Variants in MEI1 observed in about 807,000 individuals in gnomAD.
MEI1 encodes meiotic double-stranded break formation protein 1, also known as meiosis inhibitor protein 1.
Under a neutral mutation model 146.2 loss-of-function variants are expected in MEI1, and 103 were observed. The observed-to-expected ratio is 0.70, with a 90% CI of 0.60 to 0.83. The LOEUF (loss-of-function observed/expected upper bound fraction) is 0.83, where lower values mean the gene tolerates loss of function less well. MEI1 is among the 40% of genes least tolerant of loss of function. The pLI is 0.00. For synonymous variants in MEI1, 652 were observed against 628.2 expected (o/e 1.04, Z -0.57); for missense variants, 1,529 against 1,533.0 (o/e 1.00, Z 0.04).
Position 41,723,939 on chromosome 22 carries a change from C to G in MEI1, c.734-4C>G, listed in dbSNP as rs376701459. 6.3e-6 allele frequency: 10 copies of G among 1,591,302 alleles called. No homozygotes were observed. The highest frequency in any genetic ancestry group is 8.6e-6 in the Non-Finnish European group (10 of 1,168,586). On this transcript the variant is annotated splice_region_variant and splice_polypyrimidine_tract_variant and intron_variant, in intron 6 of 30. Coordinates refer to ENST00000401548, the MANE Select transcript of MEI1 (RefSeq NM_152513.4). ...CCTTACTTCCCAATCCCTTTGTTTC[C>G]TAGGTTTGCTGAGGCAGCTGTTGAA...
intron 26 of MEI1, among the ~76,000 whole-genome samples, chr22:41,786,364 C>T (rs2075986050): frequency 6.6e-6 from 1 of 152,168 alleles, no homozygotes; most frequent in Non-Finnish European, 1.5e-5. Flanking sequence ...ACTTTTAAAG[C>T]TACAGTGACA....
At chr22:41,719,075 C>T (rs528463094) in intron 6 of MEI1, among the ~76,000 whole-genome samples, 149 of 151,662 alleles carry the variant, frequency 9.8e-4, no homozygotes, top group African/African-American at 3.2e-3. Context: ...CTCCGCCTCC[C>T]GGGTTCACAC....
chr22:41,717,613 C>A (rs1199938433), intron 5 of MEI1, among the ~76,000 whole-genome samples: 1 of 147,146 alleles, frequency 6.8e-6, no homozygotes, highest in East Asian at 2.0e-4. Context: ...TTTCTTTTTT[C>A]TTTTCTTTTT....
At chr22:41,717,835 C>T (rs1017143867) in intron 5 of MEI1, among the ~76,000 whole-genome samples, 11 of 151,838 alleles carry the variant, frequency 7.2e-5, no homozygotes, top group African/African-American at 1.9e-4. Context: ...AGGCTGGTCT[C>T]GAACTCCTGA....
intron 1 of MEI1, among the ~76,000 whole-genome samples, 188 bp from the exon 2 acceptor site, chr22:41,703,143 G>A (rs1247420030): frequency 3.9e-5 from 6 of 152,190 alleles, no homozygotes; most frequent in Admixed American, 1.3e-4. Context: ...ATAATCTTCT[G>A]TATGAATACA....
At chr22:41,703,597 T>A in intron 2 of MEI1, 143 bp downstream of exon 2, 1 of 765,428 alleles carries the variant, frequency 1.3e-6, no homozygotes, top group Non-Finnish European at 1.9e-6. Flanking sequence ...GTCATAATGA[T>A]GTAGAAATGG....
chr22:41,738,458 G>T (rs573277078), intron 11 of MEI1, among the ~76,000 whole-genome samples: 94 of 152,176 alleles, frequency 6.2e-4, no homozygotes, highest in Non-Finnish European at 9.9e-4. Flanking sequence ...ACAGTGGCGG[G>T]TGCCTGTAAT....
chr22:41,725,273 C>T (rs992113506), intron 7 of MEI1, among the ~76,000 whole-genome samples: 1 of 152,070 alleles, frequency 6.6e-6, no homozygotes, highest in African/African-American at 2.4e-5. Context: ...CCACCATGCC[C>T]GGCTAATTTT....
chr22:41,792,038 A>G (rs2076199637), intron 26 of MEI1, among the ~76,000 whole-genome samples: 1 of 152,218 alleles, frequency 6.6e-6, no homozygotes, highest in Non-Finnish European at 1.5e-5. Flanking sequence ...TTTAGGGGTG[A>G]TGAAAATATT....
intron 24 of MEI1, among the ~76,000 whole-genome samples, chr22:41,783,976 C>T (rs765775071): frequency 1.1e-4 from 17 of 152,320 alleles, no homozygotes; most frequent in Admixed American, 4.6e-4. Context: ...AGCCACTGTA[C>T]CTGACTTGAG....
At chr22:41,700,931 C>G (rs1366157031) in intron 1 of MEI1, among the ~76,000 whole-genome samples, 1 of 145,208 alleles carries the variant, frequency 6.9e-6, no homozygotes, top group East Asian at 2.0e-4. Context: ...ATTTTGATTT[C>G]TTTCTTTCTT....
chr22:41,763,993 C>G lies in MEI1; in HGVS notation c.2268+672C>G, dbSNP rs184803539. 2.6e-3 allele frequency among the ~76,000 whole-genome samples: 342 copies of G among 132,576 alleles called. 3 individuals carry two copies. Among genetic ancestry groups the G allele is most frequent in the Non-Finnish European group, 4.5e-3 (295 of 65,226 alleles). The allele number at this position is 132,576 out of a possible 152,430, so 87.0% of individuals were successfully genotyped here. A position where few individuals can be genotyped will look rare whatever the true frequency, so the allele number is the denominator to read the frequency against. ...ACGGAGTCTCGCTCTGTCACCCAGG[C>G]TGGAGTGCAGTGGCAGGATCGCTGT... is the stretch of plus-strand genomic sequence containing the variant. On this transcript the variant is annotated intron_variant, in intron 19 of 30. Coordinates refer to ENST00000401548, the MANE Select transcript of MEI1 (RefSeq NM_152513.4).
chr22:41,727,950 C>A (rs371526028), intron 7 of MEI1, among the ~76,000 whole-genome samples: 1 of 152,104 alleles, frequency 6.6e-6, no homozygotes, highest in African/African-American at 2.4e-5. Flanking sequence ...ATTCCAGACT[C>A]CCAGAAGGAA....
At chr22:41,773,830 G>A (rs1223698393) in intron 20 of MEI1, among the ~76,000 whole-genome samples, 1 of 152,094 alleles carries the variant, frequency 6.6e-6, no homozygotes, top group Non-Finnish European at 1.5e-5. Flanking sequence ...AGCCAAGATC[G>A]AGCCACTGCA....
rs538613151 is a variant in MEI1 at position 41,795,155 on chromosome 22, T to C, written c.3535-256T>C. Among the ~76,000 whole-genome samples, 45 of 152,242 alleles carry C rather than the reference T, an allele frequency of 3.0e-4. No individual in the cohort carries two copies. Among genetic ancestry groups the C allele is most frequent in the African/African-American group, 1.1e-3 (44 of 41,550 alleles). On this transcript the variant is annotated intron_variant, in intron 28 of 30. Transcript: ENST00000401548. This position sits in a 1 kb window ranked among gnomAD's most constrained non-coding sequence, Gnocchi z 4.2. ...GTTCATTTTGGCCATGAGTGTTCAGTGCAAGGTTGGGTAGGAGGGAGCCAA... is the reference window on the plus strand; with the variant it reads ...GTTCATTTTGGCCATGAGTGTTCAGCGCAAGGTTGGGTAGGAGGGAGCCAA...
At chr22:41,709,982 C>T (rs919545028) in intron 3 of MEI1, among the ~76,000 whole-genome samples, 3 of 151,892 alleles carry the variant, frequency 2.0e-5, no homozygotes, top group Non-Finnish European at 2.9e-5. Context: ...CCCCCACCCC[C>T]GGCAAATTTA....
chr22:41,765,006 GT>G (rs1179856350), intron 19 of MEI1, among the ~76,000 whole-genome samples: 1 of 152,054 alleles, frequency 6.6e-6, no homozygotes, highest in Non-Finnish European at 1.5e-5. Context: ...AAAATGAAAA[GT>G]TCTAATAATT....
At chr22:41,769,526 G>A (rs1407227754) in intron 19 of MEI1, among the ~76,000 whole-genome samples, 2 of 151,108 alleles carry the variant, frequency 1.3e-5, no homozygotes, top group African/African-American at 4.9e-5. Flanking sequence ...AGGCTAGAGT[G>A]CAATGGCGTG....
chr22:41,707,457 C>G (rs185740051), intron 3 of MEI1, among the ~76,000 whole-genome samples: 6 of 152,210 alleles, frequency 3.9e-5, no homozygotes, highest in Non-Finnish European at 8.8e-5. Flanking sequence ...TCTGGAAAAA[C>G]TGCAGGCTGG....
Sources: gnomAD v4.1 joint callset for allele counts (sites outside exome capture counted in the v4.1 genomes callset) on GRCh38, gnomAD v4.1.1 for gene constraint, Gnocchi (gnomAD v3.1) non-coding constraint, MANE v1.5 for transcripts, NCBI Gene and HGNC (gene_info 2026-07-23, HGNC 2026-07-21) for gene names.